The following ALK variants were observed in gnomAD, a reference collection of about 807,000 sequenced individuals.
The protein encoded by ALK is ALK receptor tyrosine kinase, also known as ALK tyrosine kinase receptor.
In ALK, 74 loss-of-function variants were observed where a neutral mutation model predicts 163.1. The observed-to-expected ratio is 0.45, with a 90% CI of 0.38 to 0.55. ALK has a LOEUF of 0.55. ALK is among the 20% of genes least tolerant of loss of function. The probability of loss-of-function intolerance (pLI) is 0.00; values close to 1 mark genes in which losing one functional copy is unlikely to be tolerated. For synonymous variants in ALK, 960 were observed against 843.2 expected (o/e 1.14, Z -2.40); for missense variants, 2,063 against 2,105.3 (o/e 0.98, Z 0.39).
chr2:29,314,351 C>A (rs1363954288), intron 8 of ALK, among the ~76,000 whole-genome samples: 2 of 152,100 alleles, frequency 1.3e-5, no homozygotes, highest in Non-Finnish European at 2.9e-5. Context: ...GCCCGCTGGT[C>A]ACCTTCTGCC....
intron 12 of ALK, among the ~76,000 whole-genome samples, chr2:29,241,563 G>T (rs1048361126): frequency 6.6e-6 from 1 of 151,768 alleles, no homozygotes; most frequent in African/African-American, 2.4e-5. Context: ...CATGGAGCTT[G>T]CAGATGGGTA....
chr2:29,572,833 T>C (rs1320033193), intron 3 of ALK, among the ~76,000 whole-genome samples: 1 of 152,162 alleles, frequency 6.6e-6, no homozygotes, highest in Non-Finnish European at 1.5e-5. Context: ...AGGAGGGGCC[T>C]CTTCCTCCCC....
At chr2:29,233,780 C>T in intron 13 of ALK, 84 bp from the exon 14 acceptor site, 1 of 1,572,076 alleles carries the variant, frequency 6.4e-7, no homozygotes, top group Admixed American at 1.7e-5. Flanking sequence ...TGCTTAAAAA[C>T]AGGATCTGAC....
rs183892835 is a variant in ALK, at chr2:29,556,843, G to A, written c.953-24727C>T. Among the ~76,000 whole-genome samples the A allele has an allele frequency of 4.0e-3, 612 of 152,264 alleles. 1 individual carries two copies. The highest frequency in any genetic ancestry group is 7.1e-3 in the Non-Finnish European group (486 of 68,012). On this transcript the variant is annotated intron_variant, in intron 3 of 28. Transcript: ENST00000389048. The stretch of plus-strand genomic sequence containing the variant: ...GGTAGCCTCCATTTGGTGTTTATAA[G>A]CTTACACTATTCAGTCTGTGTCATA...
intron 5 of ALK, among the ~76,000 whole-genome samples, chr2:29,382,628 G>A (rs1434438373): frequency 6.6e-6 from 1 of 152,126 alleles, no homozygotes; most frequent in Non-Finnish European, 1.5e-5. Context: ...ATAGATCCTT[G>A]ACATCTGTGA....
chr2:29,422,622 G>T, intron 4 of ALK, among the ~76,000 whole-genome samples: 1 of 152,016 alleles, frequency 6.6e-6, no homozygotes, highest in South Asian at 2.1e-4. Context: ...TTTTTGTTTA[G>T]TTTTTTTTCT....
intron 4 of ALK, among the ~76,000 whole-genome samples, chr2:29,514,376 C>T (rs941035322): frequency 6.6e-6 from 1 of 151,320 alleles, no homozygotes; most frequent in Admixed American, 6.6e-5. Flanking sequence ...TGGAAATCAT[C>T]ATTCTCAGTA....
intron 15 of ALK, 110 bp downstream of exon 15, chr2:29,232,194 T>C (rs889403916): frequency 3.4e-5 from 50 of 1,460,362 alleles, no homozygotes; most frequent in Non-Finnish European, 4.7e-5. Context: ...TCAGAGCTCC[T>C]AGCATCCCAG....
At chr2:29,622,555 T>G (rs113747092) in intron 3 of ALK, among the ~76,000 whole-genome samples, 14,600 of 152,194 alleles carry the variant, frequency 0.096, 952 homozygotes, top group Admixed American at 0.14. Context: ...ACAATTTAAG[T>G]TGAGATTTGG....
Position 29,361,467 on chromosome 2 carries a change from T to C in ALK, c.1282+22265A>G, listed in dbSNP as rs575163538. 9.2e-5 allele frequency among the ~76,000 whole-genome samples: 14 copies of C among 152,300 alleles called. No individual in the cohort carries two copies. In the South Asian group the frequency reaches 2.9e-3, roughly 32 times the overall value. On this transcript the variant is annotated intron_variant, in intron 5 of 28. Coordinates refer to ENST00000389048, the MANE Select transcript of ALK (RefSeq NM_004304.5). ...ACTCCCTGTATGCTGGCTGCATCAA[T>C]CCTGGCGCGTAGGAAATGCATTTGC...
intron 23 of ALK, among the ~76,000 whole-genome samples, chr2:29,216,491 C>T (rs776391946): frequency 2.0e-5 from 3 of 152,140 alleles, no homozygotes; most frequent in Non-Finnish European, 2.9e-5. Flanking sequence ...CATTAACTCA[C>T]GGGCTAGGCT....
At chr2:29,373,435 A>G (rs992343419) in intron 5 of ALK, among the ~76,000 whole-genome samples, 1 of 152,192 alleles carries the variant, frequency 6.6e-6, no homozygotes, top group Non-Finnish European at 1.5e-5. Flanking sequence ...AATCTTTTCA[A>G]TTATTTCCTT....
chr2:29,490,106 G>C (rs1290369274), intron 4 of ALK, among the ~76,000 whole-genome samples: 1 of 152,248 alleles, frequency 6.6e-6, no homozygotes, highest in East Asian at 1.9e-4. Context: ...CAAAGGATTA[G>C]AGCTGGCTAG....
At chr2:29,820,513 T>G (rs11896858) in intron 1 of ALK, among the ~76,000 whole-genome samples, 1 of 152,146 alleles carries the variant, frequency 6.6e-6, no homozygotes, top group African/African-American at 2.4e-5. Flanking sequence ...TATGCTGCAG[T>G]AGATAACCAA....
chr2:29,289,674 C>G (rs1417078254), intron 9 of ALK, among the ~76,000 whole-genome samples: 9 of 152,220 alleles, frequency 5.9e-5, no homozygotes, highest in Admixed American at 5.9e-4. Flanking sequence ...AGACATTCCT[C>G]TCCCTTCTGC....
chr2:29,249,968 C>T (rs61437678), intron 12 of ALK, among the ~76,000 whole-genome samples: 6,757 of 152,276 alleles, frequency 0.044, 515 homozygotes, highest in African/African-American at 0.15. Flanking sequence ...ACACATTTAC[C>T]CTGAGGCCCC....
chr2:29,549,986 CT>C (rs1416422999), intron 3 of ALK, among the ~76,000 whole-genome samples: 1 of 151,456 alleles, frequency 6.6e-6, no homozygotes, highest in Non-Finnish European at 1.5e-5. Context: ...TAAAAAAGTG[CT>C]TCAATTACTA....
Position 29,734,088 on chromosome 2 carries a change from A to G in ALK, c.668-16391T>C, listed in dbSNP as rs569670538. Among the ~76,000 whole-genome samples the G allele has an allele frequency of 1.4e-4, 21 of 152,324 alleles. No homozygotes were observed. The South Asian group carries it at 1.7e-3, about 12-fold the overall frequency. The stretch of plus-strand genomic sequence containing the variant: ...CATGGAAAAACAAGTTAGCGGCCCA[A>G]TGAGAGGACTTGGAGAACAAGCAGC... On this transcript the variant is annotated intron_variant, in intron 1 of 28. Transcript: ENST00000389048.
At chr2:29,837,931 G>T (rs570105034) in intron 1 of ALK, among the ~76,000 whole-genome samples, 35 of 152,214 alleles carry the variant, frequency 2.3e-4, no homozygotes, top group Non-Finnish European at 3.5e-4. Context: ...TTTAAAATAG[G>T]TATTGTAAGT....
Sources: allele counts gnomAD v4.1 joint callset (sites outside exome capture counted in the v4.1 genomes callset), GRCh38; gene constraint gnomAD v4.1.1; transcripts MANE v1.5; gene names NCBI Gene and HGNC (gene_info 2026-07-23, HGNC 2026-07-21).